Variants in DAB1 observed in about 807,000 individuals in gnomAD.
DAB1 encodes DAB adaptor protein 1.
Under a neutral mutation model 64.6 loss-of-function variants are expected in DAB1, and 15 were observed. The ratio of observed to expected loss-of-function variants is 0.23; its 90% CI spans 0.16 to 0.36. The LOEUF (loss-of-function observed/expected upper bound fraction) is 0.36. Among genes scored for constraint, DAB1 ranks in the 10% least tolerant of loss-of-function variants. The probability of loss-of-function intolerance (pLI) is 1.00; values close to 1 mark genes in which losing one functional copy is unlikely to be tolerated. For synonymous variants in DAB1, 235 were observed against 251.9 expected (o/e 0.93, Z 0.64); for missense variants, 596 against 706.7 (o/e 0.84, Z 1.78).
intron 1 of DAB1, among the ~76,000 whole-genome samples, chr1:57,334,696 C>G (rs1216725694): frequency 6.6e-6 from 1 of 152,160 alleles, no homozygotes; most frequent in Non-Finnish European, 1.5e-5. Flanking sequence ...TTAAGCTTTA[C>G]GTATGGTAAC....
At chr1:57,900,186 G>A (rs1006260102) in intron 5 of DAB1, among the ~76,000 whole-genome samples, 1 of 152,154 alleles carries the variant, frequency 6.6e-6, no homozygotes, top group Non-Finnish European at 1.5e-5. Flanking sequence ...AACACTGCAA[G>A]TGCTATTGGT....
At chr1:57,695,255 A>T (rs1211164018) in intron 6 of DAB1, among the ~76,000 whole-genome samples, 6 of 30,058 alleles carry the variant, frequency 2.0e-4, no homozygotes, top group African/African-American at 4.2e-4. Context: ...GAAAGAAAGA[A>T]AGAAGGAAGG....
chr1:57,521,252 C>A (rs1644522695), intron 7 of DAB1, among the ~76,000 whole-genome samples: 2 of 152,124 alleles, frequency 1.3e-5, no homozygotes, highest in Admixed American at 1.3e-4. Context: ...ACTGGCTCAG[C>A]ATAAGTCAGT....
chr1:58,069,033 T>C (rs1649056466), intron 5 of DAB1, among the ~76,000 whole-genome samples: 3 of 152,140 alleles, frequency 2.0e-5, no homozygotes, highest in Non-Finnish European at 4.4e-5. Context: ...CAAAGACATG[T>C]TGAAGGAGGC....
intron 1 of DAB1, among the ~76,000 whole-genome samples, chr1:57,296,572 T>C (rs1673212425): frequency 6.6e-6 from 1 of 152,136 alleles, no homozygotes; most frequent in Non-Finnish European, 1.5e-5. Context: ...GATGAGAGAA[T>C]TTTATAAAGG....
At chr1:58,470,929 A>G (rs1645350721) in intron 3 of DAB1, among the ~76,000 whole-genome samples, 1 of 152,200 alleles carries the variant, frequency 6.6e-6, no homozygotes, top group Non-Finnish European at 1.5e-5. Flanking sequence ...GCAGAATCGT[A>G]GCAGCAAAAG....
rs186440373 is a variant in DAB1 at position 57,205,660 on chromosome 1, G to A, written c.68-60231C>T. 9.3e-4 allele frequency among the ~76,000 whole-genome samples: 141 copies of A among 152,166 alleles called. 1 individual carries two copies. The highest frequency in any genetic ancestry group is 3.4e-3 in the Middle Eastern group (1 of 294). ...CACTAGGCTAGGTATTATTTCTCTC[G>A]TCTTACAGAAGAGAAAACTGATGCT... On this transcript the variant is annotated intron_variant, in intron 2 of 14. Coordinates refer to ENST00000371236, the MANE Select transcript of DAB1 (RefSeq NM_001365792.1).
At chr1:57,453,784 T>C (rs553173299) in intron 7 of DAB1, among the ~76,000 whole-genome samples, 1 of 152,308 alleles carries the variant, frequency 6.6e-6, no homozygotes, top group South Asian at 2.1e-4. Flanking sequence ...CATTATATGG[T>C]ATTGAATGTA....
chr1:58,486,830 A>G (rs548861209), intron 3 of DAB1, among the ~76,000 whole-genome samples: 3 of 152,200 alleles, frequency 2.0e-5, no homozygotes, highest in Non-Finnish European at 4.4e-5. Context: ...GAAGAGCTGT[A>G]AGGAGGACAC....
chr1:57,695,412 GA>G (rs1225213828), intron 6 of DAB1, among the ~76,000 whole-genome samples: 1 of 116,448 alleles, frequency 8.6e-6, no homozygotes, highest in Admixed American at 8.2e-5. Flanking sequence ...AAGAAAGAAA[GA>G]AAGAAAGAAA....
chr1:57,963,679 C>T lies in DAB1; in HGVS notation n.388-79517G>A, dbSNP rs60625778. Among the ~76,000 whole-genome samples the T allele has an allele frequency of 8.8e-3, 1,347 of 152,242 alleles. 21 individuals carry two copies. The highest frequency in any genetic ancestry group is 0.03 in the African/African-American group (1,241 of 41,526). Reference sequence around the variant, plus strand: ...AAATTCTAGACACCCTGCGTCACGCCCATGCTGCTGCCCACTTCCCCTTTC... The same window carrying T: ...AAATTCTAGACACCCTGCGTCACGCTCATGCTGCTGCCCACTTCCCCTTTC... On this transcript the variant is annotated intron_variant and non_coding_transcript_variant, in intron 5 of 20. Transcript: ENST00000485760.
intron 1 of DAB1, among the ~76,000 whole-genome samples, chr1:57,328,463 T>C (rs887090213): frequency 2.6e-5 from 4 of 152,148 alleles, no homozygotes; most frequent in African/African-American, 4.8e-5. Flanking sequence ...AGCTAACAGG[T>C]ACTTGATCCT....
At chr1:57,861,922 A>G (rs1476928273) in intron 1 of DAB1, among the ~76,000 whole-genome samples, 2 of 152,092 alleles carry the variant, frequency 1.3e-5, no homozygotes, top group African/African-American at 2.4e-5. Flanking sequence ...GAAGGTAGCA[A>G]TAATCTCTTC....
At chr1:58,186,769 G>C (rs1657100083) in intron 4 of DAB1, among the ~76,000 whole-genome samples, 1 of 152,178 alleles carries the variant, frequency 6.6e-6, no homozygotes. Context: ...AATCTAGGCT[G>C]GCTTTGGTTG....
intron 3 of DAB1, among the ~76,000 whole-genome samples, chr1:58,420,699 C>A (rs1644763509): frequency 6.6e-6 from 1 of 152,084 alleles, no homozygotes; most frequent in African/African-American, 2.4e-5. Context: ...GAGATGTTTC[C>A]TAGTTTGCAT....
chr1:58,499,506 A>ATAGATAGATAGATAGG (rs1645866609), intron 3 of DAB1, among the ~76,000 whole-genome samples: 1 of 135,356 alleles, frequency 7.4e-6, no homozygotes, highest in African/African-American at 3.1e-5. Flanking sequence ...AGATAGATAG[A>ATAGATAGATAGATAGG]TAAATAGATA....
chr1:57,572,577 G>A lies in DAB1; in HGVS notation n.625+77015C>T, dbSNP rs375391797. On this transcript the variant is annotated intron_variant and non_coding_transcript_variant, in intron 7 of 20. Transcript: ENST00000485760. ...TAGCTCCCTTATAAGGGTGTTGTGA[G>A]GATTAAATGAGTTAATCCATATAAA... Among the ~76,000 whole-genome samples, 14 of 152,202 alleles carry A rather than the reference G, an allele frequency of 9.2e-5. No homozygotes were observed. In the South Asian group the frequency reaches 1.7e-3, roughly 18 times the overall value.
intron 7 of DAB1, among the ~76,000 whole-genome samples, chr1:57,646,596 A>G (rs1646193858): frequency 6.6e-6 from 1 of 152,114 alleles, no homozygotes; most frequent in Non-Finnish European, 1.5e-5. Context: ...AACAAATGAA[A>G]AAATTAGCTG....
intron 4 of DAB1, among the ~76,000 whole-genome samples, chr1:58,157,160 C>T (rs1482112694): frequency 6.6e-6 from 1 of 152,136 alleles, no homozygotes; most frequent in Non-Finnish European, 1.5e-5. Flanking sequence ...GGAAAAAGCC[C>T]CCTCTGGAAA....
Sources: allele counts gnomAD v4.1 joint callset (sites outside exome capture counted in the v4.1 genomes callset), GRCh38; gene constraint gnomAD v4.1.1; transcripts MANE v1.5; gene names NCBI Gene and HGNC (gene_info 2026-07-23, HGNC 2026-07-21).